Variants in WNK2 observed in about 807,000 individuals in gnomAD.
WNK2 encodes WNK lysine deficient protein kinase 2, also known as serine/threonine-protein kinase WNK2.
A neutral mutation model predicts 192.1 loss-of-function variants in WNK2; 67 were observed. That is an observed-to-expected ratio of 0.35 (90% CI 0.29 to 0.43). WNK2 has a LOEUF of 0.43. Among genes scored for constraint, WNK2 ranks in the 20% least tolerant of loss-of-function variants. WNK2 has a pLI of 1.00. For missense variants in WNK2, 2,698 were observed against 3,089.7 expected, an observed-to-expected ratio of 0.87 and a Z score of 3.01; for synonymous variants, 1,439 against 1,393.9, an observed-to-expected ratio of 1.03 and a Z score of -0.72.
intron 2 of WNK2, among the ~76,000 whole-genome samples, chr9:93,228,282 CAA>C (rs1312524022): frequency 6.6e-6 from 1 of 152,074 alleles, no homozygotes; most frequent in African/African-American, 2.4e-5. Context: ...TTTTTTTTAC[CAA>C]GATGACCCTT....
chr9:93,224,646 G>A (rs1837503515), intron 2 of WNK2, among the ~76,000 whole-genome samples: 1 of 152,200 alleles, frequency 6.6e-6, no homozygotes, highest in Non-Finnish European at 1.5e-5. Context: ...GTCCCAGAAT[G>A]CCTTAAGTCT....
At position 93,292,705 on chromosome 9, in the gene WNK2, G is replaced by A. The variant is rs143442405; in HGVS notation, c.5240G>A (p.Arg1747His). 7.7e-6 allele frequency: 12 copies of A among 1,566,704 alleles called. No homozygotes were observed. Among genetic ancestry groups the A allele is most frequent in the Non-Finnish European group, 1.0e-5 (12 of 1,156,888 alleles). The part of the protein sequence containing the change: ...DVSSPAKTVG[R>H]FSVVSTQDEW... ...AGCTCACCAGCCAAGACTGTGGGCCGTTTCTCGGTGGTCAGCACTCAGGAC... is the reference window on the plus strand; with the variant it reads ...AGCTCACCAGCCAAGACTGTGGGCCATTTCTCGGTGGTCAGCACTCAGGAC... The change falls in exon 23 of 30, where the codon CGT becomes CAT. Residue 1747 changes from arginine (R) to histidine (H), a missense_variant. Transcript: ENST00000427277.
At chr9:93,294,498 T>C (rs745329624) in intron 23 of WNK2, among the ~76,000 whole-genome samples, 3 of 152,136 alleles carry the variant, frequency 2.0e-5, no homozygotes, top group Non-Finnish European at 4.4e-5. Context: ...CTGGGCACAT[T>C]TGCTCAGCAG....
chr9:93,233,701 C>CAAA (rs34665591), intron 4 of WNK2, among the ~76,000 whole-genome samples: 34 of 100,018 alleles, frequency 3.4e-4, no homozygotes, highest in African/African-American at 6.1e-4. Context: ...GATTCCGTCT[C>CAAA]AAAAAAAAAA....
intron 28 of WNK2, among the ~76,000 whole-genome samples, chr9:93,310,518 G>A (rs1300615321): frequency 6.6e-6 from 1 of 152,062 alleles, no homozygotes; most frequent in Admixed American, 6.5e-5. Flanking sequence ...TCAGTGGCAT[G>A]AAGTACATTC....
At chr9:93,317,228 A>G (rs4743914) in intron 28 of WNK2, 515,539 of 539,708 alleles carry the variant, frequency 0.96, 246,937 homozygotes, top group East Asian at 1. Flanking sequence ...ATGCGCCCTC[A>G]GGGTCCAGGC....
intron 16 of WNK2, among the ~76,000 whole-genome samples, chr9:93,266,365 A>G (rs1845175337): frequency 6.6e-6 from 1 of 152,204 alleles, no homozygotes; most frequent in Non-Finnish European, 1.5e-5. Flanking sequence ...ATTGGCGTGG[A>G]TTCTAATGCC....
Position 93,222,827 on chromosome 9 carries a change from C to T in WNK2, c.682-6869C>T, listed in dbSNP as rs538060573. 1.9e-3 allele frequency among the ~76,000 whole-genome samples: 284 copies of T among 152,164 alleles called. 1 individual carries two copies. Among genetic ancestry groups the T allele is most frequent in the African/African-American group, 6.0e-3 (249 of 41,520 alleles). ...CCTCCCGAGTAGCTGGGATTACAGG[C>T]GCCTGCCACCACACCTGGCTAATTT... On this transcript the variant is annotated intron_variant, in intron 2 of 29. Transcript: ENST00000427277.
rs775077443 is a variant in WNK2 at position 93,256,311 on chromosome 9, G to A, written c.2047G>A (p.Val683Met). The A allele has an allele frequency of 6.4e-7, 1 of 1,567,612 alleles. No individual in the cohort carries two copies. The highest frequency in any genetic ancestry group is 1.8e-5 in the Admixed American group (1 of 56,738). ...QQPTAAPGLPVGSVPAPACPP... is the reference protein window; with the variant it reads ...QQPTAAPGLPMGSVPAPACPP... ...GTGCTCTCTGCAGCCTGGCTTGCCG[G>A]TGGGCTCTGTCCCGGCCCCCGCCTG... is the stretch of plus-strand genomic sequence containing the variant. Residue 683 changes from valine (V) to methionine (M), a missense_variant, in exon 10 of 30, where the codon GTG (valine) becomes ATG (methionine). This residue lies in a region of WNK2 where 893 missense variants were observed against 909.0 expected (regional missense o/e 0.98). Coordinates refer to ENST00000427277, the MANE Select transcript of WNK2 (RefSeq NM_006648.4).
At chr9:93,260,192 G>T (rs1276756065) in intron 12 of WNK2, among the ~76,000 whole-genome samples, 1 of 152,156 alleles carries the variant, frequency 6.6e-6, no homozygotes, top group Non-Finnish European at 1.5e-5. Flanking sequence ...GGGCGCTCTG[G>T]AACACATGAT....
Position 93,256,371 on chromosome 9 carries a change from G to T in WNK2, c.2107G>T (p.Ala703Ser). ...CCTCCAGCAGCACTTCCCGGATCCG[G>T]CCATGAGCTTCGCCCCCGTGCTGCC... ...PSLQQHFPDP[A>S]MSFAPVLPPP... The change falls in exon 10 of 30, where the codon GCC becomes TCC. Residue 703 changes from alanine to serine, a missense_variant. Coordinates refer to ENST00000427277, the MANE Select transcript of WNK2 (RefSeq NM_006648.4). 1 of 1,577,046 alleles carries T rather than the reference G, an allele frequency of 6.3e-7. No homozygotes were observed. Among genetic ancestry groups the T allele is most frequent in the East Asian group, 2.3e-5 (1 of 43,410 alleles).
At chr9:93,302,209 G>A (rs1851728508) in intron 26 of WNK2, among the ~76,000 whole-genome samples, 1 of 152,226 alleles carries the variant, frequency 6.6e-6, no homozygotes, top group Non-Finnish European at 1.5e-5. Flanking sequence ...CTGCAGGGGT[G>A]GGCGCAGCCC....
chr9:93,280,444 G>A (rs1470425898), intron 19 of WNK2, among the ~76,000 whole-genome samples: 2 of 152,186 alleles, frequency 1.3e-5, no homozygotes, highest in African/African-American at 4.8e-5. Flanking sequence ...AAAACAGTTT[G>A]TTAATTTCTT....
At chr9:93,190,850 CG>C (rs1221514228) in intron 2 of WNK2, among the ~76,000 whole-genome samples, 3 of 152,204 alleles carry the variant, frequency 2.0e-5, no homozygotes, top group Admixed American at 2.0e-4. Flanking sequence ...CTCCTCTAGG[CG>C]GCTGCTTTTC....
chr9:93,297,000 G>A (rs375953815), intron 23 of WNK2, among the ~76,000 whole-genome samples: 8 of 21,588 alleles, frequency 3.7e-4, no homozygotes, highest in Non-Finnish European at 1.8e-4. Context: ...CCTCCCCTCC[G>A]CATCCTCCCC....
intron 26 of WNK2, chr9:93,306,534 C>G (rs1390566363): frequency 2.0e-6 from 1 of 510,918 alleles, no homozygotes; most frequent in Non-Finnish European, 3.5e-6. Flanking sequence ...ACAAACACTT[C>G]TCCCTGAAGC....
chr9:93,281,897 A>G (rs543884054), intron 19 of WNK2, among the ~76,000 whole-genome samples: 1 of 152,332 alleles, frequency 6.6e-6, no homozygotes. Flanking sequence ...TATCGGTAAA[A>G]GGATCTGACT....
intron 28 of WNK2, chr9:93,308,795 G>A: frequency 7.0e-7 from 1 of 1,422,950 alleles, no homozygotes; most frequent in Admixed American, 2.9e-5. Context: ...GCTGGCAGGT[G>A]GAAAGGACAG....
intron 29 of WNK2, chr9:93,318,909 T>A (rs1196372721): frequency 4.2e-6 from 6 of 1,412,420 alleles, no homozygotes; most frequent in Non-Finnish European, 5.5e-6. Flanking sequence ...AATTGTATAG[T>A]TTCTGTACTT....
Sources: gnomAD v4.1 joint callset for allele counts (sites outside exome capture counted in the v4.1 genomes callset) on GRCh38, gnomAD v4.1.1 for gene constraint, gnomAD v4.1.1 regional missense constraint, MANE v1.5 for transcripts, NCBI Gene and HGNC (gene_info 2026-07-23, HGNC 2026-07-21) for gene names.